Variants in KHDRBS2 observed in about 807,000 individuals in gnomAD.
KHDRBS2 encodes KH domain-containing, RNA-binding, signal transduction-associated protein 2.
A neutral mutation model predicts 44.3 loss-of-function variants in KHDRBS2; 26 were observed. The ratio of observed to expected loss-of-function variants is 0.59; its 90% CI spans 0.43 to 0.81. The LOEUF is 0.81. KHDRBS2 is among the 40% of genes least tolerant of loss of function. The pLI, the probability that KHDRBS2 is intolerant of heterozygous loss-of-function variation, is 0.00. For missense variants in KHDRBS2, 476 were observed against 433.1 expected (o/e 1.10, Z -0.88); for synonymous variants, 194 against 151.1 (o/e 1.28, Z -2.08).
At chr6:61,547,481 C>T in the KHDRBS2 span, among the ~76,000 whole-genome samples, 2 of 152,162 alleles carry the variant, frequency 1.3e-5, no homozygotes, top group Admixed American at 6.6e-5. Context: ...ATGGACCCAG[C>T]TAACAAATTT....
chr6:61,691,230 T>A (rs899737304), intron 8 of KHDRBS2, among the ~76,000 whole-genome samples: 3 of 152,128 alleles, frequency 2.0e-5, no homozygotes, highest in Admixed American at 6.6e-5. Flanking sequence ...CTGTAAATAC[T>A]TTGAACCTAA....
chr6:62,006,295 TA>T (rs1779209435), intron 3 of KHDRBS2, among the ~76,000 whole-genome samples: 1 of 151,862 alleles, frequency 6.6e-6, no homozygotes, highest in African/African-American at 2.4e-5. Flanking sequence ...ATTCTGAGAG[TA>T]AAACACTGCC....
the KHDRBS2 span, among the ~76,000 whole-genome samples, chr6:61,636,558 C>T: frequency 6.6e-6 from 1 of 152,044 alleles, no homozygotes; most frequent in African/African-American, 2.4e-5. Flanking sequence ...GCACTCAGCT[C>T]CCAGGGGACA....
rs75876705 is a variant in KHDRBS2, at chr6:62,024,740, C to A, written c.336+23138G>T. Among the ~76,000 whole-genome samples, 1,103 of 151,544 alleles carry A rather than the reference C, an allele frequency of 7.3e-3. 13 individuals are homozygous for A. The highest frequency in any genetic ancestry group is 0.026 in the African/African-American group (1,067 of 41,480). The stretch of plus-strand genomic sequence containing the variant: ...ATTTATCTGGGCTCTAAAAAATTGC[C>A]GCTTTGACCTTTTATTTTTTCATCA... On this transcript the variant is annotated intron_variant, in intron 3 of 8. Coordinates refer to ENST00000281156, the MANE Select transcript of KHDRBS2 (RefSeq NM_152688.4).
chr6:62,249,304 C>T (rs966560185), intron 1 of KHDRBS2, among the ~76,000 whole-genome samples: 2 of 151,918 alleles, frequency 1.3e-5, no homozygotes, highest in Non-Finnish European at 2.9e-5. Context: ...AATATCTCAC[C>T]CTATAAGCTT....
At chr6:61,556,158 C>A in the KHDRBS2 span, among the ~76,000 whole-genome samples, 1 of 152,184 alleles carries the variant, frequency 6.6e-6, no homozygotes, top group Non-Finnish European at 1.5e-5. Context: ...TGCGCATTCA[C>A]TCCTGCAGTG....
intron 1 of KHDRBS2, among the ~76,000 whole-genome samples, chr6:62,241,536 T>C (rs907697326): frequency 5.9e-5 from 9 of 152,228 alleles, no homozygotes; most frequent in South Asian, 2.1e-4. Flanking sequence ...ATTTTTTTTT[T>C]CCCAGCAATG....
chr6:62,251,877 T>C (rs995024764), intron 1 of KHDRBS2, among the ~76,000 whole-genome samples: 5 of 151,866 alleles, frequency 3.3e-5, no homozygotes, highest in Non-Finnish European at 7.4e-5. Flanking sequence ...GTATTAAAGA[T>C]AAAGCATAAA....
At chr6:62,187,797 T>G (rs1823750978) in intron 1 of KHDRBS2, among the ~76,000 whole-genome samples, 1 of 152,104 alleles carries the variant, frequency 6.6e-6, no homozygotes, top group African/African-American at 2.4e-5. Context: ...AATGCTGTAT[T>G]GTTAATTGTA....
At chr6:61,956,404 C>A (rs532242193) in intron 4 of KHDRBS2, among the ~76,000 whole-genome samples, 3 of 152,082 alleles carry the variant, frequency 2.0e-5, no homozygotes, top group African/African-American at 7.2e-5. Flanking sequence ...AAATTGAAGA[C>A]AAAACATTTT....
At chr6:62,061,548 T>A (rs1282156271) in intron 2 of KHDRBS2, among the ~76,000 whole-genome samples, 1 of 149,348 alleles carries the variant, frequency 6.7e-6, no homozygotes, top group Non-Finnish European at 1.5e-5. Context: ...GATCCGCTGT[T>A]AGTCTGATGG....
chr6:62,241,756 C>G (rs1383733419), intron 1 of KHDRBS2, among the ~76,000 whole-genome samples: 1 of 148,196 alleles, frequency 6.7e-6, no homozygotes, highest in Non-Finnish European at 1.5e-5. Flanking sequence ...AGTTATTGCT[C>G]AAAAAAGTTA....
intron 5 of KHDRBS2, among the ~76,000 whole-genome samples, chr6:61,895,664 GTGTT>G (rs1802806266): frequency 1.3e-5 from 2 of 152,128 alleles, no homozygotes; most frequent in African/African-American, 2.4e-5. Context: ...GAATGGTTGA[GTGTT>G]TGTCTGAAGT....
chr6:62,181,210 A>G (rs1454019180), intron 1 of KHDRBS2, among the ~76,000 whole-genome samples: 1 of 151,920 alleles, frequency 6.6e-6, no homozygotes, highest in Non-Finnish European at 1.5e-5. Flanking sequence ...TATATCAAAC[A>G]AACAGTTTCT....
intron 6 of KHDRBS2, among the ~76,000 whole-genome samples, chr6:61,845,738 G>C (rs1311067350): frequency 1.3e-5 from 2 of 152,184 alleles, no homozygotes; most frequent in African/African-American, 4.8e-5. Context: ...GAATAAATCT[G>C]AGAAAGCCTC....
At chr6:61,789,981 A>C (rs756433490) in intron 6 of KHDRBS2, among the ~76,000 whole-genome samples, 23 of 151,484 alleles carry the variant, frequency 1.5e-4, no homozygotes, top group Non-Finnish European at 2.5e-4. Flanking sequence ...CTTGTGAAAT[A>C]ATGTTTTATA....
In KHDRBS2 at chr6:61,956,749, G is replaced by A. The variant is rs72884410; in HGVS notation, c.483+21317C>T. Among the ~76,000 whole-genome samples, 1,139 of 152,246 alleles carry A rather than the reference G, an allele frequency of 7.5e-3. 9 individuals are homozygous for A. Among genetic ancestry groups the A allele is most frequent in the Non-Finnish European group, 0.01 (684 of 68,026 alleles). On this transcript the variant is annotated intron_variant, in intron 4 of 8. Transcript: ENST00000281156. The stretch of plus-strand genomic sequence containing the variant: ...TCTTTCTGGCTTCTCCACATACCAA[G>A]CTATGTGACCCAGACCCAAAACACA...
chr6:61,697,971 C>T (rs1339067800), intron 7 of KHDRBS2, among the ~76,000 whole-genome samples: 1 of 152,100 alleles, frequency 6.6e-6, no homozygotes, highest in Non-Finnish European at 1.5e-5. Flanking sequence ...CACATAATTC[C>T]TTCTAGCAAC....
intron 6 of KHDRBS2, among the ~76,000 whole-genome samples, chr6:61,862,731 A>T (rs1350654446): frequency 6.6e-6 from 1 of 151,998 alleles, no homozygotes; most frequent in African/African-American, 2.4e-5. Flanking sequence ...CCAGCATTTT[A>T]TTGAGCATTT....
Sources: allele counts gnomAD v4.1 joint callset (sites outside exome capture counted in the v4.1 genomes callset), GRCh38; gene constraint gnomAD v4.1.1; transcripts MANE v1.5; gene names NCBI Gene and HGNC (gene_info 2026-07-23, HGNC 2026-07-21).